Variants in TSPAN16 observed in about 807,000 individuals in gnomAD.
TSPAN16 encodes tetraspanin 16.
In TSPAN16, 23 loss-of-function variants were observed where a neutral mutation model predicts 25.2. That is an observed-to-expected ratio of 0.91 (90% CI 0.66 to 1.29). The LOEUF (loss-of-function observed/expected upper bound fraction) is 1.29. Ranked by LOEUF, TSPAN16 falls within the 50% of genes most tolerant of loss-of-function variation. TSPAN16 has a pLI of 0.00. For missense variants in TSPAN16, 272 were observed against 299.9 expected (o/e 0.91, Z 0.69); for synonymous variants, 123 against 124.4 (o/e 0.99, Z 0.08).
At chr19:11,308,760 A>C (rs372621755) in intron 5 of TSPAN16, among the ~76,000 whole-genome samples, 41 of 152,128 alleles carry the variant, frequency 2.7e-4, no homozygotes, top group Middle Eastern at 3.4e-3. Context: ...GGCGTGAGCC[A>C]CCGCGCCTGG....
intron 3 of TSPAN16, 72 bp from the exon 4 acceptor site, chr19:11,301,129 C>A: frequency 7.5e-7 from 1 of 1,337,512 alleles, no homozygotes; most frequent in Non-Finnish European, 1.1e-6. Flanking sequence ...ACTCTATCCT[C>A]AAGAACCTCG....
intron 6 of TSPAN16, among the ~76,000 whole-genome samples, chr19:11,313,904 C>A (rs546097916): frequency 7.9e-5 from 12 of 152,224 alleles, no homozygotes; most frequent in African/African-American, 2.9e-4. Flanking sequence ...AAAACCTTTA[C>A]GTAAATGCTC....
chr19:11,300,066 T>TAAAATAC (rs2080527476), intron 3 of TSPAN16, among the ~76,000 whole-genome samples: 3 of 151,978 alleles, frequency 2.0e-5, no homozygotes, highest in African/African-American at 7.3e-5. Flanking sequence ...TTAGGCAAGT[T>TAAAATAC]AAAATACATC....
intron 1 of TSPAN16, among the ~76,000 whole-genome samples, chr19:11,296,881 T>C (rs2080484272): frequency 6.6e-6 from 1 of 151,432 alleles, no homozygotes; most frequent in African/African-American, 2.4e-5. Context: ...CTACTAAAAA[T>C]ACAAAAAAAT....
At chr19:11,321,078 A>C (rs957055569) in intron 6 of TSPAN16, among the ~76,000 whole-genome samples, 9 of 151,954 alleles carry the variant, frequency 5.9e-5, no homozygotes, top group African/African-American at 2.2e-4. Flanking sequence ...CTGAGGCAGG[A>C]GAATTGCTTG....
chr19:11,321,400 T>G (rs1423038262), intron 6 of TSPAN16: 1 of 152,184 alleles, frequency 6.6e-6, no homozygotes, highest in African/African-American at 2.4e-5. Context: ...GAGAACAGCA[T>G]GGGGGAACCG....
At chr19:11,326,819 A>T (rs2080816239) in exon 7 of TSPAN16, 1 of 685,350 alleles carries the variant, frequency 1.5e-6, no homozygotes, top group Non-Finnish European at 2.6e-6. Context: ...TATGTTGCGC[A>T]GGCTGGTCTT....
intron 4 of TSPAN16, among the ~76,000 whole-genome samples, chr19:11,302,995 G>A (rs559790988): frequency 2.7e-5 from 4 of 149,816 alleles, no homozygotes; most frequent in African/African-American, 7.5e-5. Flanking sequence ...GCCTCTGCCC[G>A]GCCGCCCCTA....
At chr19:11,320,977 T>C (rs1055278091) in intron 6 of TSPAN16, among the ~76,000 whole-genome samples, 1 of 152,080 alleles carries the variant, frequency 6.6e-6, no homozygotes, top group Non-Finnish European at 1.5e-5. Flanking sequence ...GAGACCAGCC[T>C]GGCCAACGTG....
chr19:11,297,309 A>C (rs1001997783), intron 1 of TSPAN16, among the ~76,000 whole-genome samples: 1 of 152,108 alleles, frequency 6.6e-6, no homozygotes, highest in African/African-American at 2.4e-5. Context: ...ATAATAATAC[A>C]AAATAAAGTG....
intron 4 of TSPAN16, 106 bp from the exon 5 acceptor site, chr19:11,306,498 C>G (rs981531823): frequency 2.9e-6 from 4 of 1,357,092 alleles, no homozygotes; most frequent in Non-Finnish European, 4.1e-6. Flanking sequence ...TTAGCACAGT[C>G]TCTGGGATAT....
At chr19:11,320,122 C>CTTTT (rs373015307), downstream of TSPAN16, among the ~76,000 whole-genome samples, 2 of 106,792 alleles carry the variant, frequency 1.9e-5, no homozygotes, top group Admixed American at 1.1e-4. Flanking sequence ...CCGGCCAGGA[C>CTTTT]TTTTTTTTTT....
chr19:11,318,323 C>A (rs575231289), downstream of TSPAN16, among the ~76,000 whole-genome samples: 1 of 151,936 alleles, frequency 6.6e-6, no homozygotes, highest in Non-Finnish European at 1.5e-5. Context: ...CCACACCCAG[C>A]CTAATTTTTT....
intron 1 of TSPAN16, among the ~76,000 whole-genome samples, chr19:11,297,686 A>G (rs548848415): frequency 1.3e-5 from 2 of 152,104 alleles, no homozygotes; most frequent in East Asian, 3.9e-4. Flanking sequence ...TAGTAGAGAC[A>G]GGGTTTCGCC....
At position 11,298,252 on chromosome 19, in the gene TSPAN16, G is replaced by A. The variant is rs1205838287; in HGVS notation, c.180G>A (p.Leu60=). ...SSAYLLHVGN[L]CLVMGCITVL... ...CATACCTCCTTCACGTTGGCAACCT[G>A]TGCCTGGTGATGGGATGCATCACGG... The change falls in exon 2 of 7, where the codon CTG becomes CTA. Residue 60 remains leucine, a synonymous_variant. Transcript: ENST00000590327. The A allele has an allele frequency of 3.7e-6, 6 of 1,614,146 alleles. No individual in the cohort carries two copies. The East Asian group carries it at 1.1e-4, about 30-fold the overall frequency.
intron 4 of TSPAN16, among the ~76,000 whole-genome samples, chr19:11,303,932 C>T (rs548715346): frequency 6.6e-6 from 1 of 151,560 alleles, no homozygotes; most frequent in African/African-American, 2.4e-5. Flanking sequence ...TACAGGCGTG[C>T]ACTACCGTAC....
chr19:11,299,415 G>A (rs935090101), intron 3 of TSPAN16, among the ~76,000 whole-genome samples: 4 of 152,134 alleles, frequency 2.6e-5, no homozygotes, highest in African/African-American at 7.2e-5. Flanking sequence ...GAAATCCTCA[G>A]CCTGCCTCTC....
At chr19:11,319,837 C>T (rs991093425), downstream of TSPAN16, among the ~76,000 whole-genome samples, 10 of 151,842 alleles carry the variant, frequency 6.6e-5, no homozygotes, top group South Asian at 2.1e-4. Flanking sequence ...TTTTTTGAGA[C>T]GGAGTCTCGC....
chr19:11,325,800 G>A (rs117570571), intron 6 of TSPAN16, among the ~76,000 whole-genome samples: 5,961 of 152,242 alleles, frequency 0.039, 182 homozygotes, highest in Non-Finnish European at 0.057. Context: ...CAGGCCAGGC[G>A]CAGGGGCTTA....
Sources: gnomAD v4.1 joint callset for allele counts (sites outside exome capture counted in the v4.1 genomes callset) on GRCh38, gnomAD v4.1.1 for gene constraint, MANE v1.5 for transcripts, NCBI Gene and HGNC (gene_info 2026-07-23, HGNC 2026-07-21) for gene names.